MRPS9: variants seen among roughly 807,000 people sequenced by gnomAD.
The protein encoded by MRPS9 is mitochondrial ribosomal protein S9, also known as small ribosomal subunit protein uS9m.
MRPS9 carries 45 observed loss-of-function variants against 59.9 expected under a neutral mutation model. The ratio of observed to expected loss-of-function variants is 0.75; its 90% CI spans 0.59 to 0.96. The LOEUF is 0.96. Among genes scored for constraint, MRPS9 ranks in the 40% least tolerant of loss-of-function variants. The pLI is 0.00. For missense variants in MRPS9, 473 were observed against 481.1 expected (o/e 0.98, Z 0.16); for synonymous variants, 171 against 166.8 (o/e 1.03, Z -0.19).
At chr2:105,084,550 A>T (rs1056962059) in intron 5 of MRPS9, among the ~76,000 whole-genome samples, 3 of 152,142 alleles carry the variant, frequency 2.0e-5, no homozygotes, top group African/African-American at 7.2e-5. Flanking sequence ...CTTAGTTCAG[A>T]TGTGTCTAGA....
rs1680105996 is a variant in MRPS9, at chr2:105,071,299, G to A, written c.316-14G>A. On this transcript the variant is annotated splice_polypyrimidine_tract_variant and intron_variant, in intron 2 of 10. Coordinates refer to ENST00000258455, the MANE Select transcript of MRPS9 (RefSeq NM_182640.3). ...ATATAACAGTTGTTAACTAACCTTT[G>A]TGTATATTTTCAGAGAGCTATTGCT... The A allele has an allele frequency of 1.2e-6, 2 of 1,606,782 alleles. No individual in the cohort carries two copies. Among genetic ancestry groups the A allele is most frequent in the South Asian group, 1.1e-5 (1 of 89,930 alleles).
chr2:105,076,080 A>G (rs1001301333), intron 4 of MRPS9, among the ~76,000 whole-genome samples: 4 of 152,234 alleles, frequency 2.6e-5, no homozygotes, highest in Non-Finnish European at 5.9e-5. Flanking sequence ...CACAGATGTT[A>G]TGACTGCCTA....
At chr2:105,066,023 C>G (rs55658991) in intron 2 of MRPS9, among the ~76,000 whole-genome samples, 32,870 of 152,096 alleles carry the variant, frequency 0.22, 3,602 homozygotes, top group Middle Eastern at 0.35. Context: ...AGGTTAGGTC[C>G]TGTTAGTACT....
chr2:105,072,101 A>G (rs1345613445), intron 4 of MRPS9, among the ~76,000 whole-genome samples: 1 of 152,224 alleles, frequency 6.6e-6, no homozygotes, highest in East Asian at 1.9e-4. Flanking sequence ...TTATCCAGTG[A>G]GGACCAGTAG....
chr2:105,056,612 A>C (rs1679795247), intron 2 of MRPS9, among the ~76,000 whole-genome samples: 2 of 152,182 alleles, frequency 1.3e-5, no homozygotes, highest in African/African-American at 4.8e-5. Context: ...CTAGTAAGTA[A>C]AATTCATGAA....
chr2:105,041,327 A>G (rs1679497704), intron 1 of MRPS9, among the ~76,000 whole-genome samples: 1 of 152,212 alleles, frequency 6.6e-6, no homozygotes, highest in Non-Finnish European at 1.5e-5. Flanking sequence ...TATTTCTACA[A>G]AACACTAATA....
chr2:105,086,349 AT>A (rs2104464940), intron 5 of MRPS9, among the ~76,000 whole-genome samples: 1 of 152,086 alleles, frequency 6.6e-6, no homozygotes, highest in African/African-American at 2.4e-5. Context: ...CCTCTTCCAC[AT>A]TTTTTTCTGA....
chr2:105,068,935 G>T (rs180811316), intron 2 of MRPS9, among the ~76,000 whole-genome samples: 24 of 152,266 alleles, frequency 1.6e-4, no homozygotes, highest in African/African-American at 5.8e-4. Flanking sequence ...TCATAGGGGT[G>T]TATCTTCTGG....
chr2:105,083,374 T>G (rs7574096), intron 5 of MRPS9, among the ~76,000 whole-genome samples: 1 of 152,026 alleles, frequency 6.6e-6, no homozygotes, highest in Non-Finnish European at 1.5e-5. Context: ...CCTCCTTTCC[T>G]GCAGCAGCTT....
chr2:105,063,195 A>C (rs555890134), intron 2 of MRPS9, among the ~76,000 whole-genome samples: 2 of 152,246 alleles, frequency 1.3e-5, no homozygotes, highest in Non-Finnish European at 2.9e-5. Flanking sequence ...TCTTGAGCCC[A>C]GGAGTCAAGG....
intron 5 of MRPS9, among the ~76,000 whole-genome samples, chr2:105,087,451 T>G (rs1680470967): frequency 6.6e-6 from 1 of 152,166 alleles, no homozygotes. Context: ...GGGACTGCAC[T>G]TTTAGAATTG....
chr2:105,096,723 G>A (rs1680668246), intron 9 of MRPS9, among the ~76,000 whole-genome samples: 1 of 150,936 alleles, frequency 6.6e-6, no homozygotes, highest in African/African-American at 2.5e-5. Flanking sequence ...TACACTTATA[G>A]TAGACTTTAT....
chr2:105,084,249 T>TATAG (rs746857146), intron 5 of MRPS9, among the ~76,000 whole-genome samples: 4 of 137,626 alleles, frequency 2.9e-5, no homozygotes, highest in Admixed American at 1.4e-4. Context: ...TATACCAAAA[T>TATAG]ATATATATAT....
At chr2:105,050,147 TTC>T (rs765438448) in intron 2 of MRPS9, among the ~76,000 whole-genome samples, 6 of 152,056 alleles carry the variant, frequency 3.9e-5, no homozygotes, top group Non-Finnish European at 8.8e-5. Context: ...TTCTTTTCTT[TTC>T]TTTTTTTTGA....
chr2:105,053,616 T>A (rs1430763826), intron 2 of MRPS9, among the ~76,000 whole-genome samples: 9 of 152,194 alleles, frequency 5.9e-5, no homozygotes, highest in Non-Finnish European at 1.2e-4. Flanking sequence ...TCTAAAAGGA[T>A]CCTGTAGCTT....
intron 2 of MRPS9, among the ~76,000 whole-genome samples, chr2:105,063,609 A>G (rs1679944627): frequency 6.6e-6 from 1 of 152,264 alleles, no homozygotes; most frequent in Non-Finnish European, 1.5e-5. Flanking sequence ...AATTGCAAAC[A>G]TCATGATGCT....
intron 2 of MRPS9, among the ~76,000 whole-genome samples, chr2:105,052,468 C>CATGA (rs1401290112): frequency 6.6e-6 from 1 of 152,138 alleles, no homozygotes; most frequent in Admixed American, 6.5e-5. Flanking sequence ...ACCTTGTGTT[C>CATGA]ATGAAATAAA....
At chr2:105,044,524 T>A (rs1679560576) in intron 1 of MRPS9, among the ~76,000 whole-genome samples, 2 of 152,326 alleles carry the variant, frequency 1.3e-5, no homozygotes, top group Admixed American at 1.3e-4. Context: ...GAAATGTCTT[T>A]GAAAAAGATC....
intron 5 of MRPS9, among the ~76,000 whole-genome samples, chr2:105,082,690 C>T (rs1296128540): frequency 6.6e-6 from 1 of 151,958 alleles, no homozygotes; most frequent in African/African-American, 2.4e-5. Flanking sequence ...AGAAATGAAG[C>T]GTGATAGGAA....
Sources: allele counts gnomAD v4.1 joint callset (sites outside exome capture counted in the v4.1 genomes callset), GRCh38; gene constraint gnomAD v4.1.1; transcripts MANE v1.5; gene names NCBI Gene and HGNC (gene_info 2026-07-23, HGNC 2026-07-21).